The following IQUB variants were observed in gnomAD, a reference collection of about 807,000 sequenced individuals.
IQUB encodes IQ motif and ubiquitin-like domain-containing protein.
IQUB carries 86 observed loss-of-function variants against 86.4 expected under a neutral mutation model. That is an observed-to-expected ratio of 1.00 (90% CI 0.84 to 1.19). The LOEUF is 1.19. Ranked by LOEUF, IQUB falls within the 50% of genes most tolerant of loss-of-function variation. The pLI, the probability that IQUB is intolerant of heterozygous loss-of-function variation, is 0.00. For synonymous variants in IQUB, 289 were observed against 304.5 expected (o/e 0.95, Z 0.53); for missense variants, 946 against 916.9 (o/e 1.03, Z -0.41).
Position 123,492,388 on chromosome 7 carries a change from A to T in IQUB, c.1234+4308T>A, listed in dbSNP as rs1460775747. Among the ~76,000 whole-genome samples the T allele has an allele frequency of 2.6e-5, 4 of 152,206 alleles. No homozygotes were observed. In the East Asian group the frequency reaches 7.7e-4, roughly 29 times the overall value. On this transcript the variant is annotated intron_variant, in intron 7 of 12. Transcript: ENST00000324698. The stretch of plus-strand genomic sequence containing the variant: ...CAAAATTTATTTCAAACTGGATGTT[A>T]TACCTAAATTCAAAATATAACACTA...
In IQUB at chr7:123,452,763, A is replaced by G. The variant is rs761715272; in HGVS notation, c.2356T>C (p.Ser786Pro). The change falls in exon 13 of 13, where the codon TCC becomes CCC. Residue 786 changes from serine to proline, a missense_variant. Ser to Pro is a moderately conservative substitution (Grantham distance 74). Transcript: ENST00000324698. ...ATCACCTAATGAGGAGGCCTCTGGG[A>G]TTCTATAATCTTAGGTGTTGTGTCT... ...HSDTTPKIIESQRPPH is the reference protein window; with the variant it reads ...HSDTTPKIIEPQRPPH 3.7e-6 allele frequency: 6 copies of G among 1,612,502 alleles called. No individual in the cohort carries two copies. Among genetic ancestry groups the G allele is most frequent in the Middle Eastern group, 3.3e-4 (2 of 6,048 alleles).
intron 1 of IQUB, among the ~76,000 whole-genome samples, chr7:123,524,963 T>C (rs62483339): frequency 0.27 from 40,729 of 151,672 alleles, 5,733 homozygotes; most frequent in Middle Eastern, 0.36. Flanking sequence ...GATAATCATG[T>C]GGTTTTTGTC....
intron 9 of IQUB, 23 bp from the exon 10 acceptor site, chr7:123,465,032 T>C (rs201715252): frequency 4.9e-6 from 7 of 1,436,776 alleles, no homozygotes; most frequent in South Asian, 2.6e-5. Flanking sequence ...CAAAAATATA[T>C]GGTATAAAAT....
intron 1 of IQUB, among the ~76,000 whole-genome samples, chr7:123,514,177 T>A (rs971271910): frequency 1.3e-5 from 2 of 152,160 alleles, no homozygotes; most frequent in East Asian, 3.9e-4. Flanking sequence ...TCATATTAAT[T>A]TGCTGACATT....
chr7:123,509,863 GAA>G (rs1197789141), intron 3 of IQUB, 36 bp downstream of exon 3: 1 of 1,541,158 alleles, frequency 6.5e-7, no homozygotes, highest in Non-Finnish European at 8.8e-7. Context: ...GTTAAAACTA[GAA>G]AAGTCTTGAT....
At chr7:123,478,280 G>A (rs1266963203) in intron 8 of IQUB, among the ~76,000 whole-genome samples, 1 of 149,638 alleles carries the variant, frequency 6.7e-6, no homozygotes, top group African/African-American at 2.6e-5. Flanking sequence ...CCTTTGCAGG[G>A]ATGAAGCTGG....
intron 8 of IQUB, among the ~76,000 whole-genome samples, chr7:123,477,772 G>A (rs1435297919): frequency 6.6e-6 from 1 of 152,120 alleles, no homozygotes; most frequent in Non-Finnish European, 1.5e-5. Flanking sequence ...CCATCAAAAA[G>A]TGGGCATAGG....
intron 10 of IQUB, 156 bp from the exon 11 acceptor site, chr7:123,461,761 G>T: frequency 1.7e-6 from 1 of 603,268 alleles, no homozygotes. Context: ...ATTTTTCCCT[G>T]AACTTCTTAT....
intron 7 of IQUB, among the ~76,000 whole-genome samples, chr7:123,491,950 G>A (rs1264809156): frequency 4.6e-5 from 7 of 152,134 alleles, no homozygotes; most frequent in African/African-American, 1.7e-4. Flanking sequence ...AATACATAAA[G>A]ACAAGGCATT....
chr7:123,464,512 A>G (rs1043317946), intron 10 of IQUB, among the ~76,000 whole-genome samples: 2 of 151,940 alleles, frequency 1.3e-5, no homozygotes, highest in African/African-American at 2.4e-5. Context: ...AATAGTGAAT[A>G]GCATTCCAGG....
At chr7:123,458,880 C>T (rs1373518182) in intron 11 of IQUB, among the ~76,000 whole-genome samples, 1 of 151,938 alleles carries the variant, frequency 6.6e-6, no homozygotes, top group Admixed American at 6.6e-5. Context: ...ACTCAAATCT[C>T]TTGTCTAAGC....
chr7:123,498,282 T>C (rs993844295), intron 6 of IQUB, among the ~76,000 whole-genome samples: 8 of 152,076 alleles, frequency 5.3e-5, no homozygotes, highest in Non-Finnish European at 1.2e-4. Flanking sequence ...CAGAAACTCC[T>C]GGGTAAGCAC....
intron 1 of IQUB, among the ~76,000 whole-genome samples, chr7:123,520,675 G>A (rs918946690): frequency 1.4e-4 from 22 of 152,136 alleles, no homozygotes; most frequent in African/African-American, 5.1e-4. Context: ...CGAGGTTGTG[G>A]GGAGAGGGCA....
At chr7:123,527,688 G>A (rs529702354) in intron 1 of IQUB, among the ~76,000 whole-genome samples, 3 of 152,282 alleles carry the variant, frequency 2.0e-5, no homozygotes, top group East Asian at 3.9e-4. Context: ...ATCTCCAGCT[G>A]CGTGCTGGGA....
At chr7:123,495,905 T>C (rs769081302) in intron 7 of IQUB, among the ~76,000 whole-genome samples, 22 of 152,128 alleles carry the variant, frequency 1.4e-4, no homozygotes, top group South Asian at 6.2e-4. Flanking sequence ...ACAAAAGATG[T>C]ATTATTACTA....
At chr7:123,507,163 G>C (rs1432246180) in intron 3 of IQUB, among the ~76,000 whole-genome samples, 1 of 152,160 alleles carries the variant, frequency 6.6e-6, no homozygotes, top group Non-Finnish European at 1.5e-5. Context: ...AGCTTACAAT[G>C]ATAATGGCTC....
intron 8 of IQUB, among the ~76,000 whole-genome samples, chr7:123,476,181 T>C (rs1584572651): frequency 6.6e-6 from 1 of 152,146 alleles, no homozygotes. Context: ...AATTCAGGCA[T>C]GTAGGTACAA....
At chr7:123,482,642 A>C (rs1345877803) in intron 7 of IQUB, among the ~76,000 whole-genome samples, 2 of 152,160 alleles carry the variant, frequency 1.3e-5, no homozygotes, top group East Asian at 3.8e-4. Context: ...AAATTTCAGC[A>C]AGGGAAACTT....
rs143722337 is a variant in IQUB, at chr7:123,502,977, G to A, written c.834C>T (p.Pro278=). The part of the protein sequence containing the change: ...AGTQTVPKRI[P]ERLSIFCRDT... ...CCCTACAAAATATACTGAGTCTTTCGGGAATCCTTTTAGGTACAGTTTGTG... is the reference window on the plus strand; with the variant it reads ...CCCTACAAAATATACTGAGTCTTTCAGGAATCCTTTTAGGTACAGTTTGTG... The change falls in exon 5 of 13, where the codon CCC becomes CCT. Residue 278 remains proline, a synonymous_variant. Coordinates refer to ENST00000324698, the MANE Select transcript of IQUB (RefSeq NM_178827.5). The A allele has an allele frequency of 4.3e-3, 6,974 of 1,611,840 alleles. 19 individuals are homozygous for A. Among genetic ancestry groups the A allele is most frequent in the Non-Finnish European group, 4.7e-3 (5,570 of 1,179,198 alleles).
Sources: allele counts gnomAD v4.1 joint callset (sites outside exome capture counted in the v4.1 genomes callset), GRCh38; gene constraint gnomAD v4.1.1; transcripts MANE v1.5; gene names NCBI Gene and HGNC (gene_info 2026-07-23, HGNC 2026-07-21).